The following MLXIP variants were observed in gnomAD, a reference collection of about 807,000 sequenced individuals.
The protein encoded by MLXIP is MLX-interacting protein.
MLXIP carries 30 observed loss-of-function variants against 87.2 expected under a neutral mutation model. The observed-to-expected ratio is 0.34, with a 90% CI of 0.26 to 0.47. The LOEUF is 0.47. MLXIP is among the 20% of genes least tolerant of loss of function. The pLI is 1.00. For missense variants in MLXIP, 1,002 were observed against 1,240.1 expected (o/e 0.81, Z 2.88); for synonymous variants, 530 against 514.0 (o/e 1.03, Z -0.42).
In MLXIP at chr12:122,092,115, T is replaced by G. The variant is rs1329021017; in HGVS notation, c.413+12849T>G. 2.0e-5 allele frequency among the ~76,000 whole-genome samples: 3 copies of G among 152,202 alleles called. No individual in the cohort carries two copies. In the East Asian group the frequency reaches 5.8e-4, roughly 29 times the overall value. ...CTTTTCTTTTTTCTTTTCTTTTCTT[T>G]GAGACAGGATCTCTCCCTGTCACCC... On this transcript the variant is annotated intron_variant, in intron 1 of 16. Transcript: ENST00000319080.
intron 1 of MLXIP, among the ~76,000 whole-genome samples, chr12:122,117,394 G>A (rs900207374): frequency 7.2e-5 from 11 of 152,194 alleles, no homozygotes; most frequent in Admixed American, 1.3e-4. Flanking sequence ...ACCTTTGTTC[G>A]TCTGTAGCCT....
At chr12:122,088,007 C>T (rs1345488241) in intron 1 of MLXIP, among the ~76,000 whole-genome samples, 1 of 152,208 alleles carries the variant, frequency 6.6e-6, no homozygotes, top group Non-Finnish European at 1.5e-5. Flanking sequence ...TGGGGTATGT[C>T]ACGCTGAGGA....
chr12:122,122,686 C>T (rs538593170), intron 1 of MLXIP, among the ~76,000 whole-genome samples: 5 of 152,056 alleles, frequency 3.3e-5, no homozygotes, highest in East Asian at 1.9e-4. Context: ...GGAGTACAGG[C>T]GCCCGCCACC....
rs369931097 is a variant in MLXIP at position 122,147,131 on chromosome 12, G to C, written c.*5319G>C. 1.3e-3 allele frequency: 195 copies of C among 152,278 alleles called. No individual in the cohort carries two copies. Among genetic ancestry groups the C allele is most frequent in the African/African-American group, 4.5e-3 (188 of 41,524 alleles). 9.4% of individuals were successfully genotyped at this position (152,278 alleles called of 1,614,324 possible). ...TTGGTGATGGTGGCAGGGCTCCTTT[G>C]AAGAGATGGTTCCACCTCGTGGTCT... On this transcript the variant is annotated 3_prime_UTR_variant, in exon 17 of 17. Transcript: ENST00000319080.
Position 122,135,543 on chromosome 12 carries a change from G to A in MLXIP, c.1909G>A (p.Gly637Ser). 6.2e-7 allele frequency: 1 copy of A among 1,607,044 alleles called. No individual in the cohort carries two copies. ...CATCCTGGTGACAGATCTCGGCCAT[G>A]GCACGAGCAGCCCGCCTGCCCCCGT... Reference protein sequence around the residue: ...SSILVTDLGHGTSSPPAPVSR... With the variant: ...SSILVTDLGHSTSSPPAPVSR... Residue 637 changes from glycine (G) to serine (S), a missense_variant, in exon 11 of 17, where the codon GGC (glycine) becomes AGC (serine). Physicochemically the swap from Gly to Ser is moderately conservative, Grantham distance 56. Transcript: ENST00000319080. The surrounding 1 kb of genome is among the most constrained non-coding windows in gnomAD (Gnocchi z 5.3).
chr12:122,134,105 G>A lies in MLXIP; in HGVS notation c.1732+118G>A, dbSNP rs542947992. 27 of 1,202,976 alleles carry A rather than the reference G, an allele frequency of 2.2e-5. No homozygotes were observed. In the East Asian group the frequency reaches 4.9e-4, roughly 22 times the overall value. 74.5% of individuals were successfully genotyped at this position (1,202,976 alleles called of 1,614,324 possible). On this transcript the variant is annotated intron_variant, in intron 9 of 16. Transcript: ENST00000319080. ...ACCACCCTGGTGTGCACGTGCATGC[G>A]CACACACATACACTTAAATGAAACA...
chr12:122,087,499 C>T (rs1056160042), intron 1 of MLXIP, among the ~76,000 whole-genome samples: 5 of 152,086 alleles, frequency 3.3e-5, no homozygotes, highest in African/African-American at 4.8e-5. Flanking sequence ...GAGCCAGGCA[C>T]GATGGTCGTT....
chr12:122,096,022 G>A (rs1033767892), intron 1 of MLXIP, among the ~76,000 whole-genome samples: 11 of 150,656 alleles, frequency 7.3e-5, no homozygotes, highest in African/African-American at 1.2e-4. Context: ...GGGCCACCAC[G>A]TATTTTTTCC....
At position 122,126,392 on chromosome 12, in the gene MLXIP, T is replaced by C. The variant is rs182563981; in HGVS notation, c.414-864T>C. Among the ~76,000 whole-genome samples the C allele has an allele frequency of 2.1e-3, 313 of 152,232 alleles. 2 individuals are homozygous for C. Among genetic ancestry groups the C allele is most frequent in the African/African-American group, 6.8e-3 (284 of 41,512 alleles). On this transcript the variant is annotated intron_variant, in intron 1 of 16. Transcript: ENST00000319080. ...CGAGTGGAGGAGAGCAGAGGGGCCC[T>C]GAAGGAATCAGCAGCAGCCTGGGAG...
intron 1 of MLXIP, among the ~76,000 whole-genome samples, chr12:122,101,782 TGTTA>T (rs1309057958): frequency 6.6e-6 from 1 of 152,066 alleles, no homozygotes; most frequent in African/African-American, 2.4e-5. Flanking sequence ...GGTTTCACCA[TGTTA>T]GTCAGGCTGG....
chr12:122,139,917 C>A (rs1050391875), intron 15 of MLXIP, among the ~76,000 whole-genome samples: 23 of 152,188 alleles, frequency 1.5e-4, no homozygotes, highest in Middle Eastern at 3.4e-3. Context: ...CAGGTGATCC[C>A]CCTGCCTTGG....
intron 1 of MLXIP, among the ~76,000 whole-genome samples, chr12:122,113,515 A>G (rs888382163): frequency 2.6e-5 from 4 of 151,946 alleles, no homozygotes; most frequent in Non-Finnish European, 4.4e-5. Flanking sequence ...CGATCCACCC[A>G]CCTCAGCCTC....
chr12:122,138,386 C>T, intron 13 of MLXIP, 38 bp from the exon 14 acceptor site: 1 of 1,610,616 alleles, frequency 6.2e-7, no homozygotes. Context: ...GGCCTGCTGG[C>T]TGTGGGTGCT....
chr12:122,099,418 CTGGGGGCATTGCCCTT>C, intron 1 of MLXIP, among the ~76,000 whole-genome samples: 1 of 152,228 alleles, frequency 6.6e-6, no homozygotes, highest in South Asian at 2.1e-4. Context: ...TGGTAATGCC[CTGGGGGCATTGCCCTT>C]CCAGGCATCG....
chr12:122,132,591 G>A (rs1769277885), intron 8 of MLXIP: 7 of 550,456 alleles, frequency 1.3e-5, no homozygotes, highest in Non-Finnish European at 1.9e-5. Flanking sequence ...GGAGACTCTT[G>A]GTCCAGGTGT....
intron 1 of MLXIP, among the ~76,000 whole-genome samples, chr12:122,106,955 TCAGCTGCAC>T (rs922268910): frequency 1.5e-4 from 23 of 152,158 alleles, no homozygotes; most frequent in Non-Finnish European, 1.5e-5. Context: ...GGTAGCAGCA[TCAGCTGCAC>T]CAGCTGCACT....
At chr12:122,130,976 C>A in intron 7 of MLXIP, 43 bp downstream of exon 7, 2 of 1,277,838 alleles carry the variant, frequency 1.6e-6, no homozygotes, top group Non-Finnish European at 2.3e-6. Flanking sequence ...CTCCATCTCC[C>A]CCAGCCCAGC....
Position 122,133,074 on chromosome 12 carries a change from A to G in MLXIP, c.1093-274A>G, listed in dbSNP as rs531404921. The G allele has an allele frequency of 1.5e-4, 57 of 390,532 alleles. No individual in the cohort carries two copies. Among genetic ancestry groups the G allele is most frequent in the Non-Finnish European group, 2.2e-4 (48 of 219,368 alleles). The allele number at this position is 390,532 out of a possible 1,614,324, so 24.2% of individuals were successfully genotyped here. A position where few individuals can be genotyped will look rare whatever the true frequency, so the allele number is the denominator to read the frequency against. ...CTTTGGGGAGACTCTGCTGGACTCC[A>G]GAAACAAGATATTCCCAGGCTGCTA... On this transcript the variant is annotated intron_variant, in intron 8 of 16. Transcript: ENST00000319080. This position sits in a 1 kb window ranked among gnomAD's most constrained non-coding sequence, Gnocchi z 4.9.
At chr12:122,101,601 G>GT in intron 1 of MLXIP, among the ~76,000 whole-genome samples, 1 of 95,830 alleles carries the variant, frequency 1.0e-5, no homozygotes, top group East Asian at 3.2e-4. Flanking sequence ...TTTTTTTTGA[G>GT]ACGGAGTCTC....
Sources: gnomAD v4.1 joint callset for allele counts (sites outside exome capture counted in the v4.1 genomes callset) on GRCh38, gnomAD v4.1.1 for gene constraint, Gnocchi (gnomAD v3.1) non-coding constraint, MANE v1.5 for transcripts, NCBI Gene and HGNC (gene_info 2026-07-23, HGNC 2026-07-21) for gene names.